The following CHD1 variants were observed in gnomAD, a reference collection of about 807,000 sequenced individuals.
CHD1 encodes the protein ATP-dependent chromatin remodeler CHD1.
CHD1 carries 36 observed loss-of-function variants against 224.2 expected under a neutral mutation model. That is an observed-to-expected ratio of 0.16 (90% CI 0.12 to 0.21). The LOEUF is 0.21. Ranked by LOEUF, CHD1 falls within the 10% of genes least tolerant of loss-of-function variation. The probability of loss-of-function intolerance (pLI) is 1.00; values close to 1 mark genes in which losing one functional copy is unlikely to be tolerated. For synonymous variants in CHD1, 668 were observed against 658.3 expected (o/e 1.01, Z -0.23); for missense variants, 1,378 against 1,994.8 (o/e 0.69, Z 5.89).
At chr5:98,900,705 GC>G (rs55979710) in intron 7 of CHD1, 105 bp downstream of exon 7, 1 of 970,658 alleles carries the variant, frequency 1.0e-6, no homozygotes, top group Non-Finnish European at 1.5e-6. Context: ...ATCGGCCTCG[GC>G]CCCCCAAAGT....
At chr5:98,876,988 G>GT (rs1223056183) in intron 23 of CHD1, among the ~76,000 whole-genome samples, 4 of 152,204 alleles carry the variant, frequency 2.6e-5, no homozygotes, top group Admixed American at 2.0e-4. Context: ...AGGCAACATA[G>GT]TGAGACCTTG....
chr5:98,895,778 A>G (rs1211123074), intron 12 of CHD1, among the ~76,000 whole-genome samples: 1 of 151,944 alleles, frequency 6.6e-6, no homozygotes, highest in Non-Finnish European at 1.5e-5. Context: ...AAAACAGTCA[A>G]ATATATATAC....
At chr5:98,924,803 C>T (rs1374085807) in intron 2 of CHD1, among the ~76,000 whole-genome samples, 1 of 151,918 alleles carries the variant, frequency 6.6e-6, no homozygotes, top group Non-Finnish European at 1.5e-5. Flanking sequence ...TGGCGAAACC[C>T]CATCTCTACA....
At chr5:98,912,198 T>C (rs1341001178) in intron 2 of CHD1, among the ~76,000 whole-genome samples, 3 of 151,984 alleles carry the variant, frequency 2.0e-5, no homozygotes, top group Non-Finnish European at 2.9e-5. Flanking sequence ...GATGGAAAAA[T>C]TTAAAAGCCA....
At chr5:98,910,769 ATAT>A (rs1752338095) in intron 2 of CHD1, among the ~76,000 whole-genome samples, 2 of 152,204 alleles carry the variant, frequency 1.3e-5, no homozygotes, top group Non-Finnish European at 2.9e-5. Flanking sequence ...AGTAGTGGAC[ATAT>A]TATTCTTTGT....
chr5:98,872,086 T>C lies in CHD1; in HGVS notation c.3826A>G (p.Ile1276Val). Residue 1276 changes from isoleucine to valine, a missense_variant, in exon 28 of 36, where the codon ATT becomes GTT. Ile to Val is a conservative substitution (Grantham distance 29). This residue lies in a region of CHD1 where 286 missense variants were observed against 445.1 expected (regional missense o/e 0.64). Coordinates refer to ENST00000614616, the MANE Select transcript of CHD1 (RefSeq NM_001270.4). ...YEYGYGSWEMIKMDPDLSLTH... is the reference protein window; with the variant it reads ...YEYGYGSWEMVKMDPDLSLTH... ...AGACTGAGGTCAGGATCCATTTTAA[T>C]CATTTCCCAGCTTCCATATCCATAT... 1 of 1,613,464 alleles carries C rather than the reference T, an allele frequency of 6.2e-7. No homozygotes were observed. The highest frequency in any genetic ancestry group is 8.5e-7 in the Non-Finnish European group (1 of 1,179,512).
intron 2 of CHD1, among the ~76,000 whole-genome samples, chr5:98,921,908 T>C (rs892032699): frequency 9.2e-5 from 14 of 152,150 alleles, no homozygotes; most frequent in African/African-American, 3.1e-4. Flanking sequence ...TCCCAGCACT[T>C]TGGGAGGCCG....
At chr5:98,885,525 T>G (rs1750590759) in intron 18 of CHD1, 53 bp downstream of exon 18, 1 of 1,068,398 alleles carries the variant, frequency 9.4e-7, no homozygotes, top group African/African-American at 1.6e-5. Flanking sequence ...AATAATGTAA[T>G]ATACTGATAC....
chr5:98,914,385 A>T (rs1752612640), intron 2 of CHD1, among the ~76,000 whole-genome samples: 1 of 152,166 alleles, frequency 6.6e-6, no homozygotes, highest in Non-Finnish European at 1.5e-5. Flanking sequence ...TAGCTAACAC[A>T]CTGTACTAAC....
chr5:98,920,691 G>C (rs960019075), intron 2 of CHD1, among the ~76,000 whole-genome samples: 4 of 152,070 alleles, frequency 2.6e-5, no homozygotes, highest in African/African-American at 7.2e-5. Flanking sequence ...CAGTCACTCG[G>C]GAGGCTGTGG....
rs976859208 is a variant in CHD1, at chr5:98,856,154, C to CA, written c.*225dup. 18 of 367,998 alleles carry CA rather than the reference C, an allele frequency of 4.9e-5. No homozygotes were observed. The highest frequency in any genetic ancestry group is 1.3e-4 in the East Asian group (3 of 23,958). The allele number at this position is 367,998 out of a possible 1,614,324, so 22.8% of individuals were successfully genotyped here. A position where few individuals can be genotyped will look rare whatever the true frequency, so the allele number is the denominator to read the frequency against. ...TTTTCCATTTCTTTAAAAAAGAAAA[C>CA]AAAAAAAAGTACTACAATTTTGTAG... On this transcript the variant is annotated 3_prime_UTR_variant, in exon 36 of 36. Coordinates refer to ENST00000614616, the MANE Select transcript of CHD1 (RefSeq NM_001270.4).
intron 32 of CHD1, among the ~76,000 whole-genome samples, chr5:98,861,851 T>C (rs901183047): frequency 6.6e-6 from 1 of 151,760 alleles, no homozygotes; most frequent in African/African-American, 2.4e-5. Context: ...TAGGTCTTAA[T>C]ATAAGGTACT....
chr5:98,892,490 T>C (rs1751087423), intron 15 of CHD1, 35 bp downstream of exon 15: 1 of 1,497,930 alleles, frequency 6.7e-7, no homozygotes, highest in Admixed American at 1.9e-5. Flanking sequence ...TTTTCAGAAT[T>C]AGAAGTTCAG....
At chr5:98,889,348 G>T in intron 15 of CHD1, 110 bp from the exon 16 acceptor site, 1 of 728,314 alleles carries the variant, frequency 1.4e-6, no homozygotes, top group Non-Finnish European at 2.2e-6. Flanking sequence ...AAGTAAAACT[G>T]TACCGTTATA....
chr5:98,915,626 C>T, intron 2 of CHD1, among the ~76,000 whole-genome samples: 1 of 152,036 alleles, frequency 6.6e-6, no homozygotes. Flanking sequence ...ATCTCTAATT[C>T]TCTAATTTAT....
chr5:98,880,200 T>C (rs906179797), intron 22 of CHD1, among the ~76,000 whole-genome samples: 1 of 152,184 alleles, frequency 6.6e-6, no homozygotes, highest in Non-Finnish European at 1.5e-5. Flanking sequence ...ATAGCACATT[T>C]AAGGTACTAT....
Position 98,882,225 on chromosome 5 carries a change from T to C in CHD1, c.2719-102A>G, listed in dbSNP as rs192402237. ...CACACAAATTGAAGCTCATTCTATA[T>C]GAAGTTTTCACTGGTTAAAAGCAAA... is the stretch of plus-strand genomic sequence containing the variant. On this transcript the variant is annotated intron_variant, in intron 19 of 35. Transcript: ENST00000614616. The C allele has an allele frequency of 7.7e-4, 745 of 973,306 alleles. 1 individual carries two copies. Among genetic ancestry groups the C allele is most frequent in the Non-Finnish European group, 1.0e-3 (704 of 673,814 alleles). 60.3% of individuals were successfully genotyped at this position (973,306 alleles called of 1,614,324 possible).
At chr5:98,884,982 T>C (rs1013733931) in intron 18 of CHD1, among the ~76,000 whole-genome samples, 2 of 152,126 alleles carry the variant, frequency 1.3e-5, no homozygotes, top group Non-Finnish European at 2.9e-5. Context: ...TTCTCCTGCA[T>C]TGGCCTCCCA....
chr5:98,858,175 T>C lies in CHD1; in HGVS notation c.4787+5A>G. On this transcript the variant is annotated splice_donor_5th_base_variant and intron_variant, in intron 35 of 35. Transcript: ENST00000614616. ...CAAAATTTCTAAAGTGACTGCCAAG[T>C]TTACCTGCTGTCTTGCTTGTAGTGA... 1.2e-6 allele frequency: 2 copies of C among 1,610,924 alleles called. No individual in the cohort carries two copies. The highest frequency in any genetic ancestry group is 1.7e-6 in the Non-Finnish European group (2 of 1,177,802).
Sources: allele counts gnomAD v4.1 joint callset (sites outside exome capture counted in the v4.1 genomes callset), GRCh38; gene constraint gnomAD v4.1.1; regional missense constraint gnomAD v4.1.1; transcripts MANE v1.5; gene names NCBI Gene and HGNC (gene_info 2026-07-23, HGNC 2026-07-21).